FHIT: variants seen among roughly 807,000 people sequenced by gnomAD.
FHIT encodes the protein bis(5'-adenosyl)-triphosphatase.
A neutral mutation model predicts 17.9 loss-of-function variants in FHIT; 19 were observed. The observed-to-expected ratio is 1.06, with a 90% CI of 0.74 to 1.56. FHIT has a LOEUF of 1.56. FHIT is among the 40% of genes most tolerant of loss of function. The pLI, the probability that FHIT is intolerant of heterozygous loss-of-function variation, is 0.00. For missense variants in FHIT, 248 were observed against 189.2 expected (o/e 1.31, Z -1.82); for synonymous variants, 81 against 69.7 (o/e 1.16, Z -0.81).
At chr3:60,971,848 T>C (rs1298977403) in intron 3 of FHIT, among the ~76,000 whole-genome samples, 1 of 152,186 alleles carries the variant, frequency 6.6e-6, no homozygotes, top group African/African-American at 2.4e-5. Flanking sequence ...AGGAATCCTA[T>C]TATCAAGAGA....
chr3:60,424,714 T>C (rs1258011355), intron 5 of FHIT, among the ~76,000 whole-genome samples: 1 of 152,178 alleles, frequency 6.6e-6, no homozygotes, highest in Non-Finnish European at 1.5e-5. Flanking sequence ...ATCTTGATGC[T>C]TACCTCAGGT....
intron 5 of FHIT, among the ~76,000 whole-genome samples, chr3:60,203,729 A>G (rs928701010): frequency 5.3e-5 from 8 of 152,204 alleles, no homozygotes; most frequent in African/African-American, 1.9e-4. Flanking sequence ...ATTTAGAAAA[A>G]AATGCAAGAG....
At chr3:60,860,502 G>T (rs1365616237) in intron 3 of FHIT, among the ~76,000 whole-genome samples, 2 of 104,272 alleles carry the variant, frequency 1.9e-5, no homozygotes, top group Admixed American at 1.0e-4. Context: ...ATATATATCA[G>T]GTATATATGA....
intron 8 of FHIT, among the ~76,000 whole-genome samples, chr3:59,834,418 G>C (rs1371547483): frequency 1.3e-5 from 2 of 152,118 alleles, no homozygotes; most frequent in South Asian, 2.1e-4. Flanking sequence ...AGATGATAGA[G>C]AGAGAGAGAC....
At chr3:60,619,788 G>A (rs1446875184) in intron 4 of FHIT, among the ~76,000 whole-genome samples, 3 of 151,966 alleles carry the variant, frequency 2.0e-5, no homozygotes, top group East Asian at 1.9e-4. Context: ...AATACCAAAG[G>A]TGCAATCCAT....
intron 5 of FHIT, among the ~76,000 whole-genome samples, chr3:60,423,767 T>C (rs1373739726): frequency 1.3e-5 from 2 of 152,150 alleles, no homozygotes; most frequent in Non-Finnish European, 2.9e-5. Context: ...CACCTGAAAC[T>C]ACCACACTAA....
chr3:60,330,439 A>G (rs1208996367), intron 5 of FHIT, among the ~76,000 whole-genome samples: 1 of 152,142 alleles, frequency 6.6e-6, no homozygotes, highest in African/African-American at 2.4e-5. Flanking sequence ...CCACCGGTAT[A>G]AAGAAATCCA....
intron 8 of FHIT, among the ~76,000 whole-genome samples, chr3:59,917,480 A>C (rs1705187488): frequency 6.6e-6 from 1 of 151,860 alleles, no homozygotes; most frequent in African/African-American, 2.4e-5. Context: ...GGCTATACAC[A>C]CTCTTTTATC....
chr3:60,788,914 A>G (rs1199693269), intron 4 of FHIT, among the ~76,000 whole-genome samples: 7 of 152,020 alleles, frequency 4.6e-5, no homozygotes, highest in Admixed American at 4.6e-4. Context: ...AATTGAAACT[A>G]AAATGCTTTG....
intron 3 of FHIT, among the ~76,000 whole-genome samples, chr3:60,964,987 G>C (rs1212492048): frequency 6.6e-6 from 1 of 152,136 alleles, no homozygotes; most frequent in Non-Finnish European, 1.5e-5. Context: ...TGCCTTGCTA[G>C]GTTTGGGAAG....
chr3:60,777,546 C>T (rs1303725315), intron 4 of FHIT, among the ~76,000 whole-genome samples: 6 of 152,088 alleles, frequency 3.9e-5, no homozygotes, highest in African/African-American at 1.4e-4. Flanking sequence ...TCTTATCAGA[C>T]CTAAAAGGGT....
intron 1 of FHIT, among the ~76,000 whole-genome samples, chr3:61,206,532 C>A (rs1314921648): frequency 2.0e-5 from 3 of 152,014 alleles, no homozygotes; most frequent in Non-Finnish European, 2.9e-5. Flanking sequence ...GAGGTCCTTC[C>A]CCTCCCTTGT....
chr3:61,214,567 C>A (rs2039607025), intron 1 of FHIT, among the ~76,000 whole-genome samples: 1 of 152,118 alleles, frequency 6.6e-6, no homozygotes, highest in South Asian at 2.1e-4. Context: ...CAGCCGAATT[C>A]TACCAGAGGT....
At chr3:61,155,660 T>C (rs766521425) in intron 2 of FHIT, among the ~76,000 whole-genome samples, 1 of 152,196 alleles carries the variant, frequency 6.6e-6, no homozygotes, top group Non-Finnish European at 1.5e-5. Flanking sequence ...TTCCTACTTT[T>C]GTCAGTGATT....
intron 4 of FHIT, among the ~76,000 whole-genome samples, chr3:60,589,160 A>T (rs1553663224): frequency 6.6e-6 from 1 of 151,912 alleles, no homozygotes; most frequent in African/African-American, 2.4e-5. Context: ...TTGAATGTCA[A>T]ATTAACCTTT....
At chr3:61,227,465 T>A (rs2039998599) in intron 1 of FHIT, among the ~76,000 whole-genome samples, 1 of 152,104 alleles carries the variant, frequency 6.6e-6, no homozygotes, top group Non-Finnish European at 1.5e-5. Context: ...GGGTTATTTT[T>A]AAAAATATGT....
chr3:60,563,049 G>T (rs1315335824), intron 4 of FHIT, among the ~76,000 whole-genome samples: 1 of 152,132 alleles, frequency 6.6e-6, no homozygotes, highest in Non-Finnish European at 1.5e-5. Context: ...GAAGTTTTTA[G>T]GCAAGGGAGA....
intron 7 of FHIT, among the ~76,000 whole-genome samples, chr3:59,970,821 C>T (rs1708142139): frequency 7.0e-6 from 1 of 142,170 alleles, no homozygotes. Context: ...CAAAAACCTG[C>T]ACGTCCCACT....
chr3:60,930,863 G>A (rs1707914248), intron 3 of FHIT, among the ~76,000 whole-genome samples: 1 of 152,168 alleles, frequency 6.6e-6, no homozygotes, highest in Admixed American at 6.5e-5. Context: ...TCCCATTACT[G>A]GGTATATACC....
Sources: allele counts gnomAD v4.1 joint callset (sites outside exome capture counted in the v4.1 genomes callset), GRCh38; gene constraint gnomAD v4.1.1; transcripts MANE v1.5; gene names NCBI Gene and HGNC (gene_info 2026-07-23, HGNC 2026-07-21).